DRC4: variants seen among roughly 807,000 people sequenced by gnomAD.
DRC4 encodes GAS-11.
chr16:90,024,826 CA>C, the DRC4 span, among the ~76,000 whole-genome samples: 1 of 151,676 alleles, frequency 6.6e-6, no homozygotes, highest in Non-Finnish European at 1.5e-5. Context: ...AAAACAAAAA[CA>C]AAAAACAAAA....
chr16:90,024,687 T>C, the DRC4 span, among the ~76,000 whole-genome samples: 1 of 152,200 alleles, frequency 6.6e-6, no homozygotes, highest in African/African-American at 2.4e-5. Flanking sequence ...GGTTTTCTTA[T>C]ATATAACTGA....
chr16:90,026,337 G>A, the DRC4 span, among the ~76,000 whole-genome samples: 1 of 152,138 alleles, frequency 6.6e-6, no homozygotes, highest in South Asian at 2.1e-4. Flanking sequence ...TGTCAAAGTT[G>A]CTAAAACCAC....
the DRC4 span, chr16:90,037,335 G>T: frequency 2.5e-6 from 4 of 1,613,890 alleles, no homozygotes; most frequent in African/African-American, 4.0e-5. Flanking sequence ...CAGAAGGCTC[G>T]GGAGGAGATG....
chr16:90,040,568 T>G, the DRC4 span: 1 of 1,425,424 alleles, frequency 7.0e-7, no homozygotes, highest in Non-Finnish European at 9.4e-7. Context: ...GGCAAGAGTC[T>G]TCAGTTCTGT....
the DRC4 span, among the ~76,000 whole-genome samples, chr16:90,021,562 TAAG>T: frequency 3.3e-5 from 5 of 151,918 alleles, no homozygotes; most frequent in Admixed American, 2.0e-4. Flanking sequence ...GACCACTTTT[TAAG>T]AAGATGTTAA....
chr16:90,024,075 T>A, the DRC4 span, among the ~76,000 whole-genome samples: 1 of 145,514 alleles, frequency 6.9e-6, no homozygotes, highest in Non-Finnish European at 1.5e-5. Flanking sequence ...AGGCCAGGAG[T>A]TGGAGACCAG....
the DRC4 span, chr16:90,020,878 C>G: frequency 6.6e-6 from 1 of 152,262 alleles, no homozygotes. Flanking sequence ...AAAAGCCAAT[C>G]AGCATGAAGC....
At chr16:90,022,815 T>C in the DRC4 span, 2 of 1,180,400 alleles carry the variant, frequency 1.7e-6, no homozygotes, top group Non-Finnish European at 2.2e-6. Context: ...ACCCTGGGAA[T>C]GGGAGGCCTG....
At chr16:90,019,728 T>G in the DRC4 span, 1 of 654,166 alleles carries the variant, frequency 1.5e-6, no homozygotes, top group Admixed American at 2.4e-5. This position sits in a 1 kb window ranked among gnomAD's most constrained non-coding sequence, Gnocchi z 6.1. Context: ...GCGCACTCAC[T>G]TGGCGGCCGC....
chr16:90,023,676 ACCGACTATG>A, the DRC4 span, among the ~76,000 whole-genome samples: 325 of 150,570 alleles, frequency 2.2e-3, no homozygotes, highest in Middle Eastern at 3.4e-3. Context: ...TCTTCTGAAA[ACCGACTATG>A]AAAGAAACTA....
chr16:90,028,053 G>A, the DRC4 span: 3 of 240,956 alleles, frequency 1.2e-5, no homozygotes, highest in East Asian at 8.0e-5. Context: ...TAGACTTATC[G>A]TAGAACACAC....
the DRC4 span, chr16:90,042,178 T>C: frequency 1.9e-4 from 92 of 489,950 alleles, 2 homozygotes; most frequent in South Asian, 1.4e-3. Flanking sequence ...TCAAGTGATC[T>C]GCCCTCCTTG....
chr16:90,034,064 G>T, the DRC4 span, among the ~76,000 whole-genome samples: 6 of 152,092 alleles, frequency 3.9e-5, no homozygotes, highest in Non-Finnish European at 8.8e-5. Flanking sequence ...GGTGGAGTCT[G>T]TTGCCCTCTG....
At chr16:90,043,159 G>A in the DRC4 span, 2 of 1,583,724 alleles carry the variant, frequency 1.3e-6, no homozygotes, top group Non-Finnish European at 1.7e-6. Context: ...CTGAGCGTGG[G>A]GACCCTCAGC....
the DRC4 span, among the ~76,000 whole-genome samples, chr16:90,020,316 AAG>A: frequency 1.6e-3 from 231 of 148,422 alleles, no homozygotes; most frequent in African/African-American, 5.8e-3. Flanking sequence ...AAAAAAAAAA[AAG>A]AAAAGAAAAG....
At chr16:90,029,212 A>G in the DRC4 span, 13,980 of 703,424 alleles carry the variant, frequency 0.02, 82 homozygotes, top group Admixed American at 0.03. Context: ...GGGGCAGGCT[A>G]CGGGGCAGGC....
At chr16:90,031,535 A>G in the DRC4 span, 1 of 1,527,094 alleles carries the variant, frequency 6.5e-7, no homozygotes, top group South Asian at 1.2e-5. Context: ...CCTGGTCACC[A>G]CAGAGCCCCA....
the DRC4 span, chr16:90,020,101 C>T: frequency 8.9e-5 from 55 of 618,778 alleles, no homozygotes; most frequent in East Asian, 1.3e-3. Flanking sequence ...CATTCACTTC[C>T]CTCCACTGCT....
the DRC4 span, chr16:90,029,830 C>G: frequency 1.2e-5 from 2 of 169,874 alleles, no homozygotes; most frequent in Non-Finnish European, 2.8e-5. Flanking sequence ...GACCTCGGCT[C>G]ACTGCAAGCT....
Sources: gnomAD v4.1 joint callset for allele counts (sites outside exome capture counted in the v4.1 genomes callset) on GRCh38, gnomAD v4.1.1 for gene constraint, Gnocchi (gnomAD v3.1) non-coding constraint, MANE v1.5 for transcripts, NCBI Gene and HGNC (gene_info 2026-07-23, HGNC 2026-07-21) for gene names.